Variants in PRKN observed in about 807,000 individuals in gnomAD.
PRKN encodes the protein E3 ubiquitin-protein ligase parkin.
Under a neutral mutation model 59.5 loss-of-function variants are expected in PRKN, and 56 were observed. That is an observed-to-expected ratio of 0.94 (90% CI 0.76 to 1.18). The LOEUF (loss-of-function observed/expected upper bound fraction) is 1.18, where lower values mean the gene tolerates loss of function less well. Ranked by LOEUF, PRKN falls within the 50% of genes most tolerant of loss-of-function variation. The pLI, the probability that PRKN is intolerant of heterozygous loss-of-function variation, is 0.00. For missense variants in PRKN, 657 were observed against 596.4 expected (o/e 1.10, Z -1.06); for synonymous variants, 250 against 222.1 (o/e 1.13, Z -1.12).
intron 2 of PRKN, among the ~76,000 whole-genome samples, chr6:162,350,955 A>G (rs562519677): frequency 6.6e-6 from 1 of 152,272 alleles, no homozygotes; most frequent in East Asian, 1.9e-4. Context: ...AATGTAGCAC[A>G]TGCAGAACTC....
rs942612799 is a variant in PRKN at position 161,376,772 on chromosome 6, C to G, written c.1167+10022G>C. Among the ~76,000 whole-genome samples the G allele has an allele frequency of 3.3e-5, 5 of 152,212 alleles. No individual in the cohort carries two copies. Among genetic ancestry groups the G allele is most frequent in the African/African-American group, 9.6e-5 (4 of 41,458 alleles). On this transcript the variant is annotated intron_variant, in intron 10 of 11. Transcript: ENST00000366898. This position sits in a 1 kb window ranked among gnomAD's most constrained non-coding sequence, Gnocchi z 7.3. Reference sequence around the variant, plus strand: ...CACTGCAGTGGGACTCCACCTCTGCCCAACCCTGCTTCCTTCTCTTCCTGA... The same window carrying G: ...CACTGCAGTGGGACTCCACCTCTGCGCAACCCTGCTTCCTTCTCTTCCTGA...
intron 6 of PRKN, among the ~76,000 whole-genome samples, chr6:161,875,948 T>C (rs1484306856): frequency 1.3e-5 from 2 of 152,020 alleles, no homozygotes; most frequent in East Asian, 3.9e-4. Context: ...CTCAACACTG[T>C]AGGACCTGAG....
chr6:161,732,111 G>C lies in PRKN; in HGVS notation c.871+53661C>G, dbSNP rs532848582. ...GTTCTATTTTTTTTTTTTTGAGATG[G>C]AGTCTTGCTCTGTCACCCACGCTGG... On this transcript the variant is annotated intron_variant, in intron 7 of 11. Transcript: ENST00000366898. Among the ~76,000 whole-genome samples, 5 of 148,704 alleles carry C rather than the reference G, an allele frequency of 3.4e-5. No individual in the cohort carries two copies. In the South Asian group the frequency reaches 1.0e-3, roughly 31 times the overall value.
Position 161,593,981 on chromosome 6 carries a change from C to G in PRKN, c.872-24565G>C. ...CCTGGCCAACATAGTGAAACCCCAT[C>G]TCTACTAAAAAAAAAAAACAAAAAA... On this transcript the variant is annotated intron_variant, in intron 7 of 11. Coordinates refer to ENST00000366898, the MANE Select transcript of PRKN (RefSeq NM_004562.3). This position sits in a 1 kb window ranked among gnomAD's most constrained non-coding sequence, Gnocchi z 4.8. Among the ~76,000 whole-genome samples the G allele has an allele frequency of 6.6e-6, 1 of 150,540 alleles. No individual in the cohort carries two copies. Among genetic ancestry groups the G allele is most frequent in the Non-Finnish European group, 1.5e-5 (1 of 67,796 alleles).
chr6:161,862,608 T>TA (rs539340319), intron 6 of PRKN, among the ~76,000 whole-genome samples: 93 of 147,958 alleles, frequency 6.3e-4, no homozygotes, highest in African/African-American at 1.2e-3. Flanking sequence ...AGTAACGGGG[T>TA]AAAAAAAAAA....
rs912239053 is a variant in PRKN at position 161,388,661 on chromosome 6, T to C, written c.1084-1784A>G. Among the ~76,000 whole-genome samples, 11 of 152,360 alleles carry C rather than the reference T, an allele frequency of 7.2e-5. No individual in the cohort carries two copies. The highest frequency in any genetic ancestry group is 2.6e-4 in the African/African-American group (11 of 41,594). On this transcript the variant is annotated intron_variant, in intron 9 of 11. Coordinates refer to ENST00000366898, the MANE Select transcript of PRKN (RefSeq NM_004562.3). This position sits in a 1 kb window ranked among gnomAD's most constrained non-coding sequence, Gnocchi z 4.3. ...CTAGAATATGGTAGAAATGATGGTGTACCACTTTCTAGGCCCAGGCCTCAA... is the reference window on the plus strand; with the variant it reads ...CTAGAATATGGTAGAAATGATGGTGCACCACTTTCTAGGCCCAGGCCTCAA...
At chr6:162,388,662 G>T (rs1244064031) in intron 2 of PRKN, among the ~76,000 whole-genome samples, 1 of 152,090 alleles carries the variant, frequency 6.6e-6, no homozygotes, top group South Asian at 2.1e-4. Flanking sequence ...CTGCTGCCAT[G>T]GGTGGAGCCT....
chr6:162,036,024 G>A (rs68137025), intron 5 of PRKN, among the ~76,000 whole-genome samples: 1 of 151,922 alleles, frequency 6.6e-6, no homozygotes, highest in Non-Finnish European at 1.5e-5. Flanking sequence ...AAGACATAAC[G>A]CCATAAAGAA....
At chr6:162,165,103 T>C (rs982646587) in intron 4 of PRKN, among the ~76,000 whole-genome samples, 2 of 148,834 alleles carry the variant, frequency 1.3e-5, no homozygotes, top group Admixed American at 6.7e-5. Context: ...AAATGTATCA[T>C]AGTCATCCAA....
At chr6:162,245,824 C>T (rs534076255) in intron 3 of PRKN, among the ~76,000 whole-genome samples, 125 of 152,280 alleles carry the variant, frequency 8.2e-4, no homozygotes, top group Non-Finnish European at 1.5e-3. Flanking sequence ...CTGGCAATCT[C>T]TGGACCTGGA....
chr6:161,393,406 G>C lies in PRKN; in HGVS notation c.1084-6529C>G, dbSNP rs1038525352. Among the ~76,000 whole-genome samples the C allele has an allele frequency of 7.9e-5, 12 of 152,060 alleles. No homozygotes were observed. Among genetic ancestry groups the C allele is most frequent in the Admixed American group, 2.6e-4 (4 of 15,268 alleles). The stretch of plus-strand genomic sequence containing the variant: ...AGACTGCTGTCTAGAAAGGGATGAG[G>C]CCTCTCTTTGCTGGTATACATGCTG... On this transcript the variant is annotated intron_variant, in intron 9 of 11. Transcript: ENST00000366898. The surrounding 1 kb of genome is among the most constrained non-coding windows in gnomAD (Gnocchi z 4.7).
chr6:161,915,911 A>T (rs1778537973), intron 6 of PRKN, among the ~76,000 whole-genome samples: 1 of 152,232 alleles, frequency 6.6e-6, no homozygotes, highest in South Asian at 2.1e-4. Flanking sequence ...ATAAGCAAGA[A>T]TCCACAGTGC....
chr6:162,515,421 A>C (rs1777805997), intron 1 of PRKN, among the ~76,000 whole-genome samples: 1 of 138,490 alleles, frequency 7.2e-6, no homozygotes, highest in South Asian at 2.2e-4. Context: ...GGAGAATTCA[A>C]ATTATATTAG....
intron 2 of PRKN, among the ~76,000 whole-genome samples, chr6:162,421,222 G>C (rs1043155097): frequency 6.6e-6 from 1 of 152,200 alleles, no homozygotes; most frequent in African/African-American, 2.4e-5. Flanking sequence ...GGAAGCAACA[G>C]GCAGCACCTG....
intron 7 of PRKN, among the ~76,000 whole-genome samples, chr6:161,672,357 C>T (rs1378425057): frequency 6.6e-6 from 1 of 152,190 alleles, no homozygotes. Flanking sequence ...TGTCTAAACA[C>T]AATTTTAATA....
intron 1 of PRKN, among the ~76,000 whole-genome samples, chr6:162,505,299 C>T (rs769785810): frequency 6.6e-6 from 1 of 152,072 alleles, no homozygotes; most frequent in Admixed American, 6.6e-5. Flanking sequence ...AAATGTTTAT[C>T]AACAGGACAA....
At chr6:161,651,117 T>C (rs1784135321) in intron 7 of PRKN, among the ~76,000 whole-genome samples, 1 of 152,182 alleles carries the variant, frequency 6.6e-6, no homozygotes, top group African/African-American at 2.4e-5. Context: ...ATGCTTGTCT[T>C]TAAGAAGAGA....
intron 2 of PRKN, among the ~76,000 whole-genome samples, chr6:162,277,792 C>T (rs1780701306): frequency 6.6e-6 from 1 of 152,040 alleles, no homozygotes; most frequent in African/African-American, 2.4e-5. Flanking sequence ...CTGGTGAGGA[C>T]GTGGAATAAC....
chr6:162,692,167 A>G (rs1215199200), intron 1 of PRKN, among the ~76,000 whole-genome samples: 1 of 85,440 alleles, frequency 1.2e-5, no homozygotes, highest in African/African-American at 5.2e-5. Context: ...AAAAAAAAAG[A>G]TTAGAAAATT....
Sources: gnomAD v4.1 joint callset for allele counts (sites outside exome capture counted in the v4.1 genomes callset) on GRCh38, gnomAD v4.1.1 for gene constraint, Gnocchi (gnomAD v3.1) non-coding constraint, MANE v1.5 for transcripts, NCBI Gene and HGNC (gene_info 2026-07-23, HGNC 2026-07-21) for gene names.